APBA2: variants seen among roughly 807,000 people sequenced by gnomAD.
The protein encoded by APBA2 is amyloid-beta A4 precursor protein-binding family A member 2.
In APBA2, 30 loss-of-function variants were observed where a neutral mutation model predicts 75.0. The ratio of observed to expected loss-of-function variants is 0.40; its 90% CI spans 0.30 to 0.54. APBA2 has a LOEUF of 0.54. Ranked by LOEUF, APBA2 falls within the 20% of genes least tolerant of loss-of-function variation. The pLI, the probability that APBA2 is intolerant of heterozygous loss-of-function variation, is 0.49. For missense variants in APBA2, 801 were observed against 1,016.1 expected (o/e 0.79, Z 2.88); for synonymous variants, 444 against 409.6 (o/e 1.08, Z -1.01).
chr15:29,097,301 TG>T (rs1415991503), intron 8 of APBA2, among the ~76,000 whole-genome samples: 1 of 152,268 alleles, frequency 6.6e-6, no homozygotes, highest in African/African-American at 2.4e-5. Context: ...TGCTTGCCAC[TG>T]GCAGGAGGGG....
intron 2 of APBA2, among the ~76,000 whole-genome samples, chr15:28,984,207 G>A (rs1455529023): frequency 6.6e-6 from 1 of 152,116 alleles, no homozygotes. Flanking sequence ...GTTATTATTC[G>A]GGACTCTGAG....
chr15:29,000,454 C>T (rs1368177671), intron 3 of APBA2, among the ~76,000 whole-genome samples: 1 of 152,126 alleles, frequency 6.6e-6, no homozygotes, highest in African/African-American at 2.4e-5. Flanking sequence ...GCACACGGAC[C>T]CCAGTGTTCT....
chr15:29,085,454 G>A (rs1453106822), intron 6 of APBA2, among the ~76,000 whole-genome samples: 1 of 151,236 alleles, frequency 6.6e-6, no homozygotes, highest in Non-Finnish European at 1.5e-5. Context: ...GAACCCGGGA[G>A]GCGGAGCTTG....
chr15:29,050,973 C>G (rs1246137442), intron 3 of APBA2, among the ~76,000 whole-genome samples: 1 of 126,566 alleles, frequency 7.9e-6, no homozygotes, highest in Non-Finnish European at 1.5e-5. Context: ...CCTTTGCCGT[C>G]CTGACGTCAA....
intron 3 of APBA2, among the ~76,000 whole-genome samples, chr15:29,001,317 C>T (rs2038832434): frequency 6.6e-6 from 1 of 152,248 alleles, no homozygotes; most frequent in East Asian, 1.9e-4. Flanking sequence ...CTCAAGCAAT[C>T]TTCCCACCTC....
chr15:28,954,955 G>A (rs1216802119), intron 2 of APBA2, among the ~76,000 whole-genome samples: 1 of 152,112 alleles, frequency 6.6e-6, no homozygotes, highest in Non-Finnish European at 1.5e-5. Context: ...TGTGGACACC[G>A]ACTGGTAGGG....
At chr15:29,063,542 G>C (rs2042241802) in intron 4 of APBA2, among the ~76,000 whole-genome samples, 1 of 139,632 alleles carries the variant, frequency 7.2e-6, no homozygotes, top group African/African-American at 2.7e-5. Context: ...GGGTGGTGCG[G>C]GGAGTTGATC....
At chr15:28,908,377 C>T (rs2033249417) in intron 1 of APBA2, among the ~76,000 whole-genome samples, 1 of 150,028 alleles carries the variant, frequency 6.7e-6, no homozygotes, top group African/African-American at 2.5e-5. Flanking sequence ...GTGGCGCAAT[C>T]TCGGCTCACT....
At chr15:29,003,576 T>C (rs1351630229) in intron 3 of APBA2, among the ~76,000 whole-genome samples, 1 of 152,100 alleles carries the variant, frequency 6.6e-6, no homozygotes, top group Non-Finnish European at 1.5e-5. Flanking sequence ...AGGGGATGGA[T>C]AGGAGAAAGG....
chr15:29,011,303 G>T (rs1595721528), intron 3 of APBA2, among the ~76,000 whole-genome samples: 1 of 152,136 alleles, frequency 6.6e-6, no homozygotes, highest in Non-Finnish European at 1.5e-5. Context: ...AACATGGCTG[G>T]CTGTCCAGCA....
At chr15:29,057,017 T>C (rs2041930076) in intron 4 of APBA2, among the ~76,000 whole-genome samples, 1 of 152,122 alleles carries the variant, frequency 6.6e-6, no homozygotes, top group South Asian at 2.1e-4. Context: ...AGCCAGGCCG[T>C]GCCAGGAGCC....
At chr15:28,959,179 G>A (rs28385292) in intron 2 of APBA2, among the ~76,000 whole-genome samples, 20,799 of 152,114 alleles carry the variant, frequency 0.14, 3,409 homozygotes, top group African/African-American at 0.38. Flanking sequence ...AGTGGAGACG[G>A]GGTTTCACCA....
intron 2 of APBA2, among the ~76,000 whole-genome samples, chr15:28,986,093 C>T (rs1237374718): frequency 1.3e-5 from 2 of 152,210 alleles, no homozygotes; most frequent in Non-Finnish European, 2.9e-5. Flanking sequence ...CCTTCTGCCT[C>T]CTCTTCCCCT....
intron 4 of APBA2, among the ~76,000 whole-genome samples, chr15:29,065,926 C>T (rs565600520): frequency 6.6e-5 from 10 of 152,272 alleles, no homozygotes; most frequent in African/African-American, 4.8e-5. Context: ...TTCGGGAGCC[C>T]GAGGTGGACT....
chr15:29,107,744 G>A (rs375163933), intron 12 of APBA2, among the ~76,000 whole-genome samples: 6 of 152,112 alleles, frequency 3.9e-5, no homozygotes, highest in African/African-American at 7.2e-5. Flanking sequence ...CACCCCCACC[G>A]GACCCCGGCG....
intron 13 of APBA2, 123 bp downstream of exon 13, chr15:29,108,512 G>A (rs759454405): frequency 1.3e-6 from 2 of 1,503,870 alleles, no homozygotes; most frequent in Admixed American, 3.5e-5. Context: ...TGTGGTTGCA[G>A]CTGCCCACAG....
rs561179305 is a variant in APBA2, at chr15:28,963,933, G to A, written c.-94-31820G>A. ...TGTGTGATTCTGTCCAATTGCATGT[G>A]CAACTTCATGTAACCACCACCACAA... On this transcript the variant is annotated intron_variant, in intron 2 of 14. Coordinates refer to ENST00000683413, the MANE Select transcript of APBA2 (RefSeq NM_001353788.2). 1.6e-3 allele frequency among the ~76,000 whole-genome samples: 242 copies of A among 152,244 alleles called. 2 individuals are homozygous for A. Among genetic ancestry groups the A allele is most frequent in the Middle Eastern group, 6.8e-3 (2 of 294 alleles).
At chr15:28,894,256 C>T (rs564851018) in intron 1 of APBA2, among the ~76,000 whole-genome samples, 68 of 152,290 alleles carry the variant, frequency 4.5e-4, no homozygotes, top group Admixed American at 3.8e-3. Flanking sequence ...TCTGTCCATC[C>T]ATCCACCCAT....
intron 1 of APBA2, 140 bp from the exon 2 acceptor site, chr15:28,921,500 T>G (rs1054440601): frequency 1.4e-4 from 22 of 152,342 alleles, no homozygotes; most frequent in African/African-American, 4.8e-4. Context: ...CTCTAGAGGT[T>G]CTGGGGAGGG....
Sources: allele counts gnomAD v4.1 joint callset (sites outside exome capture counted in the v4.1 genomes callset), GRCh38; gene constraint gnomAD v4.1.1; transcripts MANE v1.5; gene names NCBI Gene and HGNC (gene_info 2026-07-23, HGNC 2026-07-21).